Variants in PTPRN2 observed in about 807,000 individuals in gnomAD.
PTPRN2 encodes the protein protein tyrosine phosphatase receptor type N2.
A neutral mutation model predicts 118.8 loss-of-function variants in PTPRN2; 74 were observed. The observed-to-expected ratio is 0.62, with a 90% CI of 0.52 to 0.76. PTPRN2 has a LOEUF of 0.76. Ranked by LOEUF, PTPRN2 falls within the 30% of genes least tolerant of loss-of-function variation. The pLI is 0.00. For synonymous variants in PTPRN2, 641 were observed against 608.0 expected, an observed-to-expected ratio of 1.05 and a Z score of -0.80; for missense variants, 1,481 against 1,394.4, an observed-to-expected ratio of 1.06 and a Z score of -0.99.
At chr7:158,453,150 T>C (rs1160259569) in intron 2 of PTPRN2, among the ~76,000 whole-genome samples, 2 of 108,262 alleles carry the variant, frequency 1.8e-5, no homozygotes, top group African/African-American at 3.5e-5. Flanking sequence ...CATAGGGGAA[T>C]TGAAAGAGGA....
intron 3 of PTPRN2, among the ~76,000 whole-genome samples, chr7:158,244,420 G>C (rs545592009): frequency 4.5e-4 from 68 of 152,362 alleles, no homozygotes; most frequent in African/African-American, 1.6e-3. Context: ...AGTGTCTGTA[G>C]ACAGTGAGCT....
chr7:158,082,621 C>A (rs1179473965), intron 10 of PTPRN2, among the ~76,000 whole-genome samples: 1 of 152,248 alleles, frequency 6.6e-6, no homozygotes, highest in African/African-American at 2.4e-5. Context: ...AGCGCCTGCT[C>A]TGAGGAGCAA....
intron 12 of PTPRN2, among the ~76,000 whole-genome samples, chr7:157,702,046 C>A (rs61386737): frequency 1.3e-5 from 2 of 148,302 alleles, no homozygotes; most frequent in South Asian, 2.2e-4. Flanking sequence ...AAAGCCCGGT[C>A]GGTGCTGGTG....
chr7:158,070,583 G>A (rs1811216700), intron 11 of PTPRN2, among the ~76,000 whole-genome samples: 13 of 115,606 alleles, frequency 1.1e-4, no homozygotes, highest in African/African-American at 4.0e-4. Flanking sequence ...GCCCGTGGTG[G>A]TGGAGGTGCC....
At chr7:158,153,120 C>G (rs1821365098) in intron 6 of PTPRN2, among the ~76,000 whole-genome samples, 1 of 152,146 alleles carries the variant, frequency 6.6e-6, no homozygotes, top group African/African-American at 2.4e-5. Flanking sequence ...ATACCATCGA[C>G]CAGCGGAACG....
intron 14 of PTPRN2, among the ~76,000 whole-genome samples, chr7:157,624,202 C>T (rs1803434516): frequency 6.6e-6 from 1 of 152,130 alleles, no homozygotes; most frequent in Non-Finnish European, 1.5e-5. Flanking sequence ...GGGTGGATCA[C>T]CTGAGGCCAG....
chr7:158,329,103 G>A lies in PTPRN2; in HGVS notation c.164-12171C>T, dbSNP rs367704447. On this transcript the variant is annotated intron_variant, in intron 2 of 22. Coordinates refer to ENST00000389418, the MANE Select transcript of PTPRN2 (RefSeq NM_002847.5). Reference sequence around the variant, plus strand: ...GGGATGGCAAATCCAGCGGCGCACAGCCCACTGCACCGAGGGAGGCGCACG... The same window carrying A: ...GGGATGGCAAATCCAGCGGCGCACAACCCACTGCACCGAGGGAGGCGCACG... Among the ~76,000 whole-genome samples, 25 of 152,354 alleles carry A rather than the reference G, an allele frequency of 1.6e-4. No homozygotes were observed. In the South Asian group the frequency reaches 4.8e-3, roughly 29 times the overall value.
chr7:158,104,075 C>T (rs970467695), intron 10 of PTPRN2, among the ~76,000 whole-genome samples: 1 of 152,122 alleles, frequency 6.6e-6, no homozygotes, highest in African/African-American at 2.4e-5. Context: ...TTTGGCCAGG[C>T]TGGTCCTGAA....
chr7:158,192,430 T>C lies in PTPRN2; in HGVS notation c.446A>G (p.Asn149Ser). 2 of 1,548,454 alleles carry C rather than the reference T, an allele frequency of 1.3e-6. No individual in the cohort carries two copies. The highest frequency in any genetic ancestry group is 2.4e-5 in the East Asian group (1 of 40,834). Residue 149 changes from asparagine to serine, a missense_variant, in exon 5 of 23, where the codon AAC becomes AGC. This residue lies in a region of PTPRN2 where 1,115 missense variants were observed against 994.2 expected (regional missense o/e 1.12). Coordinates refer to ENST00000389418, the MANE Select transcript of PTPRN2 (RefSeq NM_002847.5). The stretch of plus-strand genomic sequence containing the variant: ...GAAGGGCAGGTGGCGTCGGAGGGCG[T>C]TGGCCAGGGCAGCACCGCCCTCCCG... ...YSREGGAALA[N>S]ALRRHLPFLE...
chr7:157,682,566 G>A (rs776086344), intron 13 of PTPRN2, among the ~76,000 whole-genome samples, 159 bp downstream of exon 13: 1 of 152,220 alleles, frequency 6.6e-6, no homozygotes, highest in African/African-American at 2.4e-5. Context: ...GTATTTGCAC[G>A]AATGCTGATG....
At chr7:157,922,848 C>T (rs1401682344) in intron 11 of PTPRN2, among the ~76,000 whole-genome samples, 1 of 152,238 alleles carries the variant, frequency 6.6e-6, no homozygotes, top group Non-Finnish European at 1.5e-5. Context: ...CCTGAGGTCA[C>T]TCGCTTACAA....
At chr7:158,013,077 G>A (rs139883261) in intron 11 of PTPRN2, among the ~76,000 whole-genome samples, 17 of 152,226 alleles carry the variant, frequency 1.1e-4, no homozygotes, top group Admixed American at 2.0e-4. Flanking sequence ...TATATGACTC[G>A]TAAGGCCAGT....
At chr7:157,543,220 G>T (rs544285215) in intron 22 of PTPRN2, among the ~76,000 whole-genome samples, 43 of 152,360 alleles carry the variant, frequency 2.8e-4, no homozygotes, top group African/African-American at 9.9e-4. Flanking sequence ...AGCCTCCTGG[G>T]TTTGCAAAGA....
chr7:157,918,299 T>A (rs1204493774), intron 11 of PTPRN2, among the ~76,000 whole-genome samples: 3 of 152,212 alleles, frequency 2.0e-5, no homozygotes, highest in Non-Finnish European at 4.4e-5. Context: ...AATCTGAAGA[T>A]CCTTACTGCT....
At chr7:158,541,824 T>C in intron 1 of PTPRN2, 5 of 799,556 alleles carry the variant, frequency 6.3e-6, no homozygotes, top group Non-Finnish European at 7.6e-6. Flanking sequence ...GCTGAGAGAC[T>C]GCAGAGCACC....
intron 2 of PTPRN2, among the ~76,000 whole-genome samples, chr7:158,478,563 A>C (rs1384066870): frequency 6.6e-6 from 1 of 152,162 alleles, no homozygotes; most frequent in Non-Finnish European, 1.5e-5. Context: ...AATTAACCTG[A>C]TAAGGAAGCT....
chr7:157,637,930 G>C (rs1804422121), intron 14 of PTPRN2, among the ~76,000 whole-genome samples: 1 of 152,244 alleles, frequency 6.6e-6, no homozygotes, highest in Non-Finnish European at 1.5e-5. Flanking sequence ...ACTTAGGACA[G>C]TGATGGAGAC....
At chr7:157,783,628 G>C (rs1170200752) in intron 12 of PTPRN2, among the ~76,000 whole-genome samples, 1 of 151,586 alleles carries the variant, frequency 6.6e-6, no homozygotes, top group African/African-American at 2.4e-5. Flanking sequence ...GCAAAGAAAA[G>C]TATGGCAGTA....
At chr7:157,730,197 C>G (rs893221254) in intron 12 of PTPRN2, among the ~76,000 whole-genome samples, 4 of 152,076 alleles carry the variant, frequency 2.6e-5, no homozygotes, top group African/African-American at 9.7e-5. Flanking sequence ...TGCCCCCCCC[C>G]GGGCACTCGG....
Sources: allele counts gnomAD v4.1 joint callset (sites outside exome capture counted in the v4.1 genomes callset), GRCh38; gene constraint gnomAD v4.1.1; regional missense constraint gnomAD v4.1.1; transcripts MANE v1.5; gene names NCBI Gene and HGNC (gene_info 2026-07-23, HGNC 2026-07-21).